ABCG5: variants seen among roughly 807,000 people sequenced by gnomAD.
ABCG5 encodes the protein ATP binding cassette subfamily G member 5, also known as ATP-binding cassette sub-family G member 5.
ABCG5 carries 64 observed loss-of-function variants against 64.5 expected under a neutral mutation model. The observed-to-expected ratio is 0.99, with a 90% CI of 0.81 to 1.22. The LOEUF (loss-of-function observed/expected upper bound fraction) is 1.22. ABCG5 is among the 50% of genes most tolerant of loss of function. ABCG5 has a pLI of 0.00. For missense variants in ABCG5, 908 were observed against 829.5 expected (o/e 1.09, Z -1.16); for synonymous variants, 385 against 326.3 (o/e 1.18, Z -1.94).
At chr2:43,828,214 A>G in intron 4 of ABCG5, 99 bp from the exon 5 acceptor site, 6 of 1,557,552 alleles carry the variant, frequency 3.9e-6, no homozygotes, top group Non-Finnish European at 5.2e-6. Context: ...ACACCGCCCA[A>G]GAATCCAAGG....
intron 12 of ABCG5, among the ~76,000 whole-genome samples, chr2:43,813,791 C>G (rs1666640626): frequency 7.3e-6 from 1 of 136,168 alleles, no homozygotes; most frequent in African/African-American, 2.7e-5. Context: ...GATCTGGGCT[C>G]ACTGCAACCT....
intron 5 of ABCG5, among the ~76,000 whole-genome samples, chr2:43,827,646 T>C (rs573706902): frequency 2.0e-5 from 3 of 152,338 alleles, no homozygotes; most frequent in Non-Finnish European, 2.9e-5. Context: ...TCAAAACTCA[T>C]TGGCTTTCCC....
intron 11 of ABCG5, among the ~76,000 whole-genome samples, chr2:43,819,357 A>G (rs1164974984): frequency 6.6e-6 from 1 of 152,198 alleles, no homozygotes. Context: ...AGAAATATGA[A>G]GAAAAAAATT....
intron 2 of ABCG5, among the ~76,000 whole-genome samples, chr2:43,833,603 C>T (rs55895042): frequency 1.2e-3 from 185 of 152,098 alleles, no homozygotes; most frequent in Non-Finnish European, 1.9e-3. Context: ...CCAGGATGGT[C>T]ACAATCTCCT....
At chr2:43,807,743 CAAAAAAAAAAAAAAAAAA>C (rs536977133), downstream of ABCG5, among the ~76,000 whole-genome samples, 6 of 41,632 alleles carry the variant, frequency 1.4e-4, no homozygotes, top group East Asian at 3.8e-3. Flanking sequence ...TTTGTTAAAG[CAAAAAAAAAAAAAAAAAA>C]AAAAAAAAAA....
Position 43,823,985 on chromosome 2 carries a change from C to T in ABCG5, c.1252G>A (p.Asp418Asn), listed in dbSNP as rs1279466034. The T allele has an allele frequency of 2.5e-6, 4 of 1,614,186 alleles. No homozygotes were observed. The highest frequency in any genetic ancestry group is 1.7e-5 in the Admixed American group (1 of 60,024). ...RSNVLKGAIQ[D>N]RVGLLYQFVG... is the part of the protein sequence containing the mutation. ...AACTGGTAAAGGAGACCTACGCGGT[C>T]CTGGATAGCACCCTTTAGCACATTG... The change falls in exon 9 of 13, where the codon GAC becomes AAC. Residue 418 changes from aspartate to asparagine, a missense_variant. By Grantham distance (23) the Asp-to-Asn change is conservative. Transcript: ENST00000405322.
At chr2:43,831,366 T>C (rs1476958478) in intron 4 of ABCG5, among the ~76,000 whole-genome samples, 1 of 152,060 alleles carries the variant, frequency 6.6e-6, no homozygotes, top group Admixed American at 6.6e-5. Context: ...AGAGACTGAG[T>C]CTCGCTATGT....
At chr2:43,816,327 G>A (rs535045835) in intron 11 of ABCG5, among the ~76,000 whole-genome samples, 10 of 152,304 alleles carry the variant, frequency 6.6e-5, no homozygotes, top group East Asian at 3.9e-4. Context: ...AAGGAAGACC[G>A]TGACAGGAAG....
At chr2:43,820,137 G>A (rs1667093176) in intron 10 of ABCG5, 37 bp from the exon 11 acceptor site, 2 of 1,595,646 alleles carry the variant, frequency 1.3e-6, no homozygotes, top group Non-Finnish European at 1.7e-6. Context: ...CCTCTCCAAG[G>A]GCTATCATTT....
intron 11 of ABCG5, among the ~76,000 whole-genome samples, chr2:43,816,433 G>A (rs370904027): frequency 2.4e-3 from 369 of 152,204 alleles, no homozygotes; most frequent in African/African-American, 6.9e-3. Flanking sequence ...TGCAGGTGGC[G>A]GAGAGAGAGA....
chr2:43,823,666 C>T (rs1304879797), intron 9 of ABCG5, among the ~76,000 whole-genome samples: 1 of 152,188 alleles, frequency 6.6e-6, no homozygotes. Context: ...CTCAAACTCT[C>T]CCCACCAGTA....
intron 5 of ABCG5, among the ~76,000 whole-genome samples, chr2:43,827,325 C>CA (rs1174987300): frequency 0.096 from 10,703 of 112,072 alleles, 552 homozygotes; most frequent in African/African-American, 0.17. Flanking sequence ...AACTCTGTCT[C>CA]AAAAAAAAAA....
chr2:43,835,375 A>G (rs553914599), intron 2 of ABCG5, among the ~76,000 whole-genome samples: 2 of 152,292 alleles, frequency 1.3e-5, no homozygotes, highest in East Asian at 1.9e-4. Context: ...TTACTTCTTT[A>G]TAAGGACTGC....
At position 43,824,310 on chromosome 2, in the gene ABCG5, C is replaced by G; in HGVS notation, c.1027G>C (p.Glu343Gln). 2 of 1,614,108 alleles carry G rather than the reference C, an allele frequency of 1.2e-6. No individual in the cohort carries two copies. The highest frequency in any genetic ancestry group is 1.7e-6 in the Non-Finnish European group (2 of 1,180,030). Residue 343 changes from glutamate to glutamine, a missense_variant, in exon 8 of 13, where the codon GAA becomes CAA. Transcript: ENST00000405322. Reference protein sequence around the residue: ...AICHKTLKNIERMKHLKTLPM... With the variant: ...AICHKTLKNIQRMKHLKTLPM... ...AACGTTTTCAGGTGTTTCATTCTTT[C>G]AATATTCTTCAAAGTTTTATGACAA...
At chr2:43,826,009 T>C (rs1667575091) in intron 6 of ABCG5, among the ~76,000 whole-genome samples, 1 of 152,082 alleles carries the variant, frequency 6.6e-6, no homozygotes, top group Non-Finnish European at 1.5e-5. Flanking sequence ...GAGGTCTTCC[T>C]CTGTCACCCA....
At position 43,824,973 on chromosome 2, in the gene ABCG5, A is replaced by G; in HGVS notation, c.820T>C (p.Cys274Arg). ...AILSFGELIF[C>R]GTPAEMLDFF... ...TCAAGCATTTCCGCTGGCGTGCCAC[A>G]GAAAATCAGCTCTCCGAAGCTCAGG... The change falls in exon 7 of 13, where the codon TGT becomes CGT. Residue 274 changes from cysteine (C) to arginine (R), a missense_variant. Cys to Arg is a radical substitution (Grantham distance 180). Coordinates refer to ENST00000405322, the MANE Select transcript of ABCG5 (RefSeq NM_022436.3). 6.2e-7 allele frequency: 1 copy of G among 1,614,080 alleles called. No homozygotes were observed. Among genetic ancestry groups the G allele is most frequent in the Non-Finnish European group, 8.5e-7 (1 of 1,179,956 alleles).
rs1237223510 is a variant in ABCG5 at position 43,823,939 on chromosome 2, G to A, written c.1298C>T (p.Thr433Ile). ...CAGATTCACAGCGTTCAGCATGCCT[G>A]TGTACGGGGTGGCGCCCACAAACTG... ...LYQFVGATPY[T>I]GMLNAVNLFP... The change falls in exon 9 of 13, where the codon ACA (threonine) becomes ATA (isoleucine). Residue 433 changes from threonine to isoleucine, a missense_variant. Coordinates refer to ENST00000405322, the MANE Select transcript of ABCG5 (RefSeq NM_022436.3). 8 of 1,614,106 alleles carry A rather than the reference G, an allele frequency of 5.0e-6. No homozygotes were observed. The Admixed American group carries it at 5.0e-5, about 10-fold the overall frequency.
At chr2:43,836,171 C>T (rs982850669) in intron 2 of ABCG5, among the ~76,000 whole-genome samples, 7 of 152,024 alleles carry the variant, frequency 4.6e-5, no homozygotes, top group Admixed American at 3.9e-4. Context: ...GAATTCCTGA[C>T]CTCAAGTGAT....
At position 43,838,078 on chromosome 2, in the gene ABCG5, G is replaced by A. The variant is rs1330122687; in HGVS notation, c.144-123C>T. ...TAGTCTCCGGACAGGCTCCTAACGT[G>A]TTTCAGTCTCTGCGCCCTCCTCTGT... On this transcript the variant is annotated intron_variant, in intron 1 of 12. Coordinates refer to ENST00000405322, the MANE Select transcript of ABCG5 (RefSeq NM_022436.3). This position sits in a 1 kb window ranked among gnomAD's most constrained non-coding sequence, Gnocchi z 4.2. 4 of 1,367,366 alleles carry A rather than the reference G, an allele frequency of 2.9e-6. No individual in the cohort carries two copies. The Admixed American group carries it at 5.7e-5, about 20-fold the overall frequency. 84.7% of individuals were successfully genotyped at this position (1,367,366 alleles called of 1,614,324 possible). A position where few individuals can be genotyped will look rare whatever the true frequency, so the allele number is the denominator to read the frequency against.
Sources: gnomAD v4.1 joint callset for allele counts (sites outside exome capture counted in the v4.1 genomes callset) on GRCh38, gnomAD v4.1.1 for gene constraint, Gnocchi (gnomAD v3.1) non-coding constraint, MANE v1.5 for transcripts, NCBI Gene and HGNC (gene_info 2026-07-23, HGNC 2026-07-21) for gene names.